DLST: variants seen among roughly 807,000 people sequenced by gnomAD.
DLST encodes the protein dihydrolipoyllysine-residue succinyltransferase component of 2-oxoglutarate dehydrogenase complex, mitochondrial.
Under a neutral mutation model 53.1 loss-of-function variants are expected in DLST, and 17 were observed. The observed-to-expected ratio is 0.32, with a 90% CI of 0.22 to 0.48. The LOEUF is 0.48. Among genes scored for constraint, DLST ranks in the 20% least tolerant of loss-of-function variants. The pLI, the probability that DLST is intolerant of heterozygous loss-of-function variation, is 0.99. For missense variants in DLST, 512 were observed against 583.9 expected, an observed-to-expected ratio of 0.88 and a Z score of 1.27; for synonymous variants, 206 against 204.8, an observed-to-expected ratio of 1.01 and a Z score of -0.05.
At chr14:74,898,270 G>C in intron 10 of DLST, 99 bp from the exon 11 acceptor site, 9 of 1,469,568 alleles carry the variant, frequency 6.1e-6, no homozygotes, top group Non-Finnish European at 2.8e-6. Context: ...TCCAGAGTGA[G>C]GGAAAAGCTC....
intron 11 of DLST, among the ~76,000 whole-genome samples, chr14:74,899,287 T>G (rs1001197520): frequency 6.6e-6 from 1 of 152,030 alleles, no homozygotes; most frequent in African/African-American, 2.4e-5. Context: ...CTCTCAAAAG[T>G]TCTCGTGGCC....
chr14:74,892,095 A>C (rs1883929099), intron 7 of DLST: 1 of 155,432 alleles, frequency 6.4e-6, no homozygotes, highest in Non-Finnish European at 1.4e-5. Flanking sequence ...TGACTATTTT[A>C]TTTTTTGAGA....
In DLST at chr14:74,881,964, G is replaced by T. The variant is rs774943636; in HGVS notation, c.11G>T (p.Arg4Leu). 3 of 1,566,926 alleles carry T rather than the reference G, an allele frequency of 1.9e-6. No individual in the cohort carries two copies. Among genetic ancestry groups the T allele is most frequent in the East Asian group, 2.4e-5 (1 of 41,382 alleles). The change falls in exon 1 of 15, where the codon CGA (arginine) becomes CTA (leucine). Residue 4 changes from arginine to leucine, a missense_variant. Around this residue, in one of 4 missense-constraint regions of DLST, gnomAD observed 129 missense variants for 90.9 expected, o/e 1.42. Coordinates refer to ENST00000334220, the MANE Select transcript of DLST (RefSeq NM_001933.5). The part of the protein sequence containing the change: MLS[R>L]SRCVSRAFSR... Reference sequence around the variant, plus strand: ...GGCTCCTCCGCCGTGATGCTGTCCCGATCCCGCTGTGTGTCTCGGGCGTTC... The same window carrying T: ...GGCTCCTCCGCCGTGATGCTGTCCCTATCCCGCTGTGTGTCTCGGGCGTTC...
chr14:74,893,525 C>T (rs1196056534), intron 9 of DLST, 101 bp downstream of exon 9: 2 of 1,282,794 alleles, frequency 1.6e-6, no homozygotes, highest in Non-Finnish European at 2.3e-6. Context: ...CCTGGCAGCT[C>T]ATTCCCTCAA....
In DLST at chr14:74,903,648, A is replaced by G. The variant is rs1166064265; in HGVS notation, c.*1318A>G. Reference sequence around the variant, plus strand: ...GTGGGAGCCAATACTGAGTGCCTGCAGCATCTACTACTCTGTCTTCACTAT... The same window carrying G: ...GTGGGAGCCAATACTGAGTGCCTGCGGCATCTACTACTCTGTCTTCACTAT... On this transcript the variant is annotated 3_prime_UTR_variant, in exon 15 of 15. Transcript: ENST00000334220. The G allele has an allele frequency of 1.3e-5, 2 of 152,128 alleles. No homozygotes were observed. Among genetic ancestry groups the G allele is most frequent in the Non-Finnish European group, 2.9e-5 (2 of 68,022 alleles). 9.4% of individuals were successfully genotyped at this position (152,128 alleles called of 1,614,324 possible). A position where few individuals can be genotyped will look rare whatever the true frequency, so the allele number is the denominator to read the frequency against.
At chr14:74,891,027 G>T (rs762643042) in intron 6 of DLST, 29 bp from the exon 7 acceptor site, 17 of 1,598,166 alleles carry the variant, frequency 1.1e-5, no homozygotes, top group Non-Finnish European at 1.4e-5. Context: ...TAAACATTTG[G>T]ACTTCCTCCA....
intron 5 of DLST, 47 bp downstream of exon 5, chr14:74,889,396 G>A (rs781767820): frequency 3.7e-5 from 53 of 1,446,828 alleles, no homozygotes; most frequent in Non-Finnish European, 7.5e-6. Flanking sequence ...TTGAGACAGA[G>A]TCTTGCTCTG....
In DLST at chr14:74,891,127, C is replaced by A. The variant is rs774240374; in HGVS notation, c.402C>A (p.Val134=). ...TTTTGGTACCTGATGGGGGAAAAGT[C>A]GAAGGAGGCACTCCACTTTTCACAC... The part of the protein sequence containing the change: ...EALLVPDGGK[V]EGGTPLFTLR... The change falls in exon 7 of 15, where the codon GTC becomes GTA. Residue 134 remains valine, a synonymous_variant. Coordinates refer to ENST00000334220, the MANE Select transcript of DLST (RefSeq NM_001933.5). The A allele has an allele frequency of 6.2e-7, 1 of 1,614,056 alleles. No homozygotes were observed. The highest frequency in any genetic ancestry group is 1.3e-5 in the African/African-American group (1 of 75,022).
chr14:74,903,445 T>C lies in DLST; in HGVS notation c.*1115T>C, dbSNP rs2140207432. ...CGGATGAGGTCATTTCTAAGGTGTG[T>C]TGCCCGTGGATCTGGGCACAATCAT... On this transcript the variant is annotated 3_prime_UTR_variant, in exon 15 of 15. Coordinates refer to ENST00000334220, the MANE Select transcript of DLST (RefSeq NM_001933.5). The C allele has an allele frequency of 6.6e-6, 1 of 152,346 alleles. No individual in the cohort carries two copies. The highest frequency in any genetic ancestry group is 2.1e-4 in the South Asian group (1 of 4,830). 9.4% of individuals were successfully genotyped at this position (152,346 alleles called of 1,614,324 possible). A position where few individuals can be genotyped will look rare whatever the true frequency, so the allele number is the denominator to read the frequency against.
intron 10 of DLST, among the ~76,000 whole-genome samples, 198 bp downstream of exon 10, chr14:74,894,607 A>G (rs1884018764): frequency 6.6e-6 from 1 of 152,020 alleles, no homozygotes; most frequent in Non-Finnish European, 1.5e-5. Context: ...GTGCAGTGGC[A>G]TGATCTCGGC....
rs541447476 is a variant in DLST at position 74,885,571 on chromosome 14, T to C, written c.98-15T>C. 1.1e-3 allele frequency: 1,715 copies of C among 1,614,084 alleles called. 36 individuals are homozygous for C. The South Asian group carries it at 0.018, about 16-fold the overall frequency. ...GATAAGAGTTGTTGGTTAAGAGTTA[T>C]TTTGTTTCTTGCAGGGGTCTCCTTA... On this transcript the variant is annotated splice_polypyrimidine_tract_variant and intron_variant, in intron 2 of 14. Transcript: ENST00000334220.
chr14:74,893,520 C>T, intron 9 of DLST, 96 bp downstream of exon 9: 1 of 1,320,162 alleles, frequency 7.6e-7, no homozygotes, highest in Admixed American at 1.7e-5. Context: ...GAATGCCTGG[C>T]AGCTCATTCC....
chr14:74,886,483 T>C (rs1172853315), intron 3 of DLST, among the ~76,000 whole-genome samples: 2 of 151,940 alleles, frequency 1.3e-5, no homozygotes, highest in Admixed American at 1.3e-4. Flanking sequence ...CATGCCACCA[T>C]GCCCGGTTGT....
intron 10 of DLST, among the ~76,000 whole-genome samples, chr14:74,896,938 C>G (rs17093914): frequency 6.6e-6 from 1 of 152,022 alleles, no homozygotes; most frequent in African/African-American, 2.4e-5. Context: ...TGGTTTAGAT[C>G]GAGTGCCCTT....
chr14:74,892,672 T>A (rs1369919764), intron 7 of DLST, among the ~76,000 whole-genome samples, 162 bp from the exon 8 acceptor site: 1 of 152,170 alleles, frequency 6.6e-6, no homozygotes, highest in East Asian at 1.9e-4. Context: ...TAGAGAATAG[T>A]GCCTTATGTC....
At chr14:74,887,715 A>G (rs571822820) in intron 3 of DLST, among the ~76,000 whole-genome samples, 20 of 152,346 alleles carry the variant, frequency 1.3e-4, no homozygotes, top group African/African-American at 4.8e-4. Context: ...GATGACTTGC[A>G]GAGCAGCCTC....
chr14:74,888,977 A>G, intron 3 of DLST, 118 bp from the exon 4 acceptor site: 1 of 1,011,970 alleles, frequency 9.9e-7, no homozygotes, highest in Non-Finnish European at 1.5e-6. Context: ...AGTGACACTG[A>G]TGGACACCCC....
intron 3 of DLST, among the ~76,000 whole-genome samples, chr14:74,887,430 A>G (rs1234836458): frequency 6.6e-6 from 1 of 152,264 alleles, no homozygotes; most frequent in Non-Finnish European, 1.5e-5. Flanking sequence ...TAATGAAGAA[A>G]AAGTAAACTT....
intron 11 of DLST, 54 bp downstream of exon 11, chr14:74,898,553 A>G: frequency 6.3e-7 from 1 of 1,584,862 alleles, no homozygotes; most frequent in Non-Finnish European, 8.6e-7. Context: ...GTGTATGAGC[A>G]CAGACCTGCT....
Sources: gnomAD v4.1 joint callset for allele counts (sites outside exome capture counted in the v4.1 genomes callset) on GRCh38, gnomAD v4.1.1 for gene constraint, gnomAD v4.1.1 regional missense constraint, MANE v1.5 for transcripts, NCBI Gene and HGNC (gene_info 2026-07-23, HGNC 2026-07-21) for gene names.